CHD5: variants seen among roughly 807,000 people sequenced by gnomAD.
CHD5 encodes the protein chromodomain helicase DNA binding protein 5.
CHD5 carries 69 observed loss-of-function variants against 230.3 expected under a neutral mutation model. The ratio of observed to expected loss-of-function variants is 0.30; its 90% CI spans 0.25 to 0.37. CHD5 has a LOEUF of 0.37. Among genes scored for constraint, CHD5 ranks in the 10% least tolerant of loss-of-function variants. The probability of loss-of-function intolerance (pLI) is 1.00; values close to 1 mark genes in which losing one functional copy is unlikely to be tolerated. For synonymous variants in CHD5, 1,064 were observed against 1,065.9 expected (o/e 1.00, Z 0.03); for missense variants, 1,827 against 2,622.8 (o/e 0.70, Z 6.63).
rs761510627 is a variant in CHD5 at position 6,142,108 on chromosome 1, C to T, written c.2436+20G>A. 14 of 1,605,308 alleles carry T rather than the reference C, an allele frequency of 8.7e-6. No homozygotes were observed. In the Admixed American group the frequency reaches 1.0e-4, roughly 11 times the overall value. Reference sequence around the variant, plus strand: ...ACCGGGGGCCTTCCTACCGTCCTTCCAAGGATAGCGAGCCCTCACCTTCAT... The same window carrying T: ...ACCGGGGGCCTTCCTACCGTCCTTCTAAGGATAGCGAGCCCTCACCTTCAT... On this transcript the variant is annotated intron_variant, in intron 15 of 41. Coordinates refer to ENST00000262450, the MANE Select transcript of CHD5 (RefSeq NM_015557.3). The surrounding 1 kb of genome is among the most constrained non-coding windows in gnomAD (Gnocchi z 5.2).
At chr1:6,136,387 A>T in intron 17 of CHD5, 130 bp downstream of exon 17, 2 of 1,068,210 alleles carry the variant, frequency 1.9e-6, no homozygotes, top group Non-Finnish European at 2.8e-6. Context: ...GGACATTGCT[A>T]ATGCTCCCAT....
Position 6,102,047 on chromosome 1 carries a change from A to T in CHD5, c.*3427T>A, listed in dbSNP as rs1281987027. On this transcript the variant is annotated 3_prime_UTR_variant, in exon 42 of 42. Transcript: ENST00000262450. Reference sequence around the variant, plus strand: ...CCAGCCTGGGGCTGTGCCTGGGGAAAGGGGTCGGCCCCCTCTTAGCTGGGC... The same window carrying T: ...CCAGCCTGGGGCTGTGCCTGGGGAATGGGGTCGGCCCCCTCTTAGCTGGGC... 2.5e-6 allele frequency: 1 copy of T among 395,434 alleles called. No homozygotes were observed. The allele number at this position is 395,434 out of a possible 1,614,324, so 24.5% of individuals were successfully genotyped here. A position where few individuals can be genotyped will look rare whatever the true frequency, so the allele number is the denominator to read the frequency against.
intron 33 of CHD5, 55 bp from the exon 34 acceptor site, chr1:6,113,053 A>C: frequency 1.6e-6 from 2 of 1,234,388 alleles, no homozygotes; most frequent in Non-Finnish European, 2.4e-6. Flanking sequence ...AACACAGAGG[A>C]CTCTGGGCTC....
intron 31 of CHD5, 109 bp downstream of exon 31, chr1:6,123,839 G>A: frequency 1.4e-6 from 1 of 708,494 alleles, no homozygotes; most frequent in Non-Finnish European, 2.1e-6. Flanking sequence ...GAGGCTTTGG[G>A]GGAAGGAGAG....
chr1:6,105,326 C>A lies in CHD5; in HGVS notation c.*148G>T. ...CTGGGCCTCGTCCTCCATGTGATGG[C>A]ATTACTAGGTTTCCCTTTTTGTCCC... On this transcript the variant is annotated 3_prime_UTR_variant, in exon 42 of 42. Coordinates refer to ENST00000262450, the MANE Select transcript of CHD5 (RefSeq NM_015557.3). This position sits in a 1 kb window ranked among gnomAD's most constrained non-coding sequence, Gnocchi z 4.8. 2 of 462,600 alleles carry A rather than the reference C, an allele frequency of 4.3e-6. No individual in the cohort carries two copies. The highest frequency in any genetic ancestry group is 8.9e-6 in the Non-Finnish European group (2 of 223,542). 28.7% of individuals were successfully genotyped at this position (462,600 alleles called of 1,614,324 possible). A position where few individuals can be genotyped will look rare whatever the true frequency, so the allele number is the denominator to read the frequency against.
chr1:6,166,764 G>A lies in CHD5; in HGVS notation c.207+1386C>T, dbSNP rs866176377. ...CCCAGAGGCGAAGGCAGGGACCCTC[G>A]CCCCCCACCACCACCATCTCTCCCA... On this transcript the variant is annotated intron_variant, in intron 2 of 41. Transcript: ENST00000262450. 5.9e-5 allele frequency among the ~76,000 whole-genome samples: 9 copies of A among 152,000 alleles called. No homozygotes were observed. In the South Asian group the frequency reaches 1.9e-3, roughly 31 times the overall value.
At chr1:6,162,418 A>C (rs1254950818) in intron 2 of CHD5, among the ~76,000 whole-genome samples, 1 of 152,002 alleles carries the variant, frequency 6.6e-6, no homozygotes, top group African/African-American at 2.4e-5. Context: ...GAAAGAAAAG[A>C]AAATGCCTTG....
chr1:6,179,890 G>T, intron 1 of CHD5, 55 bp downstream of exon 1: 1 of 1,052,858 alleles, frequency 9.5e-7, no homozygotes. Context: ...CCTGGGCCCG[G>T]CCCGTCTCGG....
At chr1:6,127,016 T>G (rs1666569185) in intron 25 of CHD5, 2 of 507,724 alleles carry the variant, frequency 3.9e-6, no homozygotes, top group Non-Finnish European at 7.1e-6. Flanking sequence ...GGTACTGAGT[T>G]GAATAAGCTC....
chr1:6,117,106 G>C (rs191062418), intron 33 of CHD5, among the ~76,000 whole-genome samples: 1 of 151,870 alleles, frequency 6.6e-6, no homozygotes, highest in African/African-American at 2.4e-5. Flanking sequence ...GAAAAGAGGA[G>C]ATATAAAGAA....
At chr1:6,162,642 G>A (rs1381259377) in intron 2 of CHD5, among the ~76,000 whole-genome samples, 2 of 152,120 alleles carry the variant, frequency 1.3e-5, no homozygotes, top group Non-Finnish European at 2.9e-5. Context: ...GAGGCCGCTG[G>A]GATTCTGATA....
At chr1:6,123,669 C>G (rs753199150) in intron 31 of CHD5, among the ~76,000 whole-genome samples, 30 of 148,594 alleles carry the variant, frequency 2.0e-4, no homozygotes, top group Non-Finnish European at 3.7e-4. Flanking sequence ...CTCAGGTGAT[C>G]CTGCCGCCTC....
chr1:6,121,079 G>T lies in CHD5; in HGVS notation c.4912+26C>A. 1 of 1,567,336 alleles carries T rather than the reference G, an allele frequency of 6.4e-7. No individual in the cohort carries two copies. The highest frequency in any genetic ancestry group is 2.2e-5 in the East Asian group (1 of 44,502). On this transcript the variant is annotated intron_variant, in intron 33 of 41. Transcript: ENST00000262450. This position sits in a 1 kb window ranked among gnomAD's most constrained non-coding sequence, Gnocchi z 4.5. Reference sequence around the variant, plus strand: ...TGCTGAGGCCAGACATGGCACTGGGGTGGGTGGCCTGCAAGAAGCCCCAAC... The same window carrying T: ...TGCTGAGGCCAGACATGGCACTGGGTTGGGTGGCCTGCAAGAAGCCCCAAC...
chr1:6,130,093 G>A lies in CHD5; in HGVS notation c.3387+111C>T. On this transcript the variant is annotated intron_variant, in intron 22 of 41. Transcript: ENST00000262450. The surrounding 1 kb of genome is among the most constrained non-coding windows in gnomAD (Gnocchi z 4.9). ...ACTCCACGGGGGAGGGAGGCCCACA[G>A]CACCAGGATAGGTGAGGGGGTGATG... 7.8e-7 allele frequency: 1 copy of A among 1,288,352 alleles called. No individual in the cohort carries two copies. Among genetic ancestry groups the A allele is most frequent in the Admixed American group, 1.8e-5 (1 of 55,174 alleles). The allele number at this position is 1,288,352 out of a possible 1,614,324, so 79.8% of individuals were successfully genotyped here. A position where few individuals can be genotyped will look rare whatever the true frequency, so the allele number is the denominator to read the frequency against.
At chr1:6,141,426 G>A (rs1028243057) in intron 15 of CHD5, among the ~76,000 whole-genome samples, 14 of 152,002 alleles carry the variant, frequency 9.2e-5, no homozygotes, top group African/African-American at 3.4e-4. Flanking sequence ...GACCAGCCTG[G>A]CCAACATGGT....
chr1:6,119,033 A>G (rs1666421479), intron 33 of CHD5, among the ~76,000 whole-genome samples: 1 of 149,962 alleles, frequency 6.7e-6, no homozygotes, highest in Non-Finnish European at 1.5e-5. Flanking sequence ...ACTGTATGAT[A>G]TGTTAACTAT....
At position 6,155,335 on chromosome 1, in the gene CHD5, AG is replaced by A. The variant is rs2100869296; in HGVS notation, c.506+263del. On this transcript the variant is annotated intron_variant, in intron 4 of 41. Coordinates refer to ENST00000262450, the MANE Select transcript of CHD5 (RefSeq NM_015557.3). This position sits in a 1 kb window ranked among gnomAD's most constrained non-coding sequence, Gnocchi z 4.0. ...AGAGCTGAGAGGCCATGGTGGTGAAAGACCCCCCAGGAAAGACTGGAACCAC... is the reference window on the plus strand; with the variant it reads ...AGAGCTGAGAGGCCATGGTGGTGAAAACCCCCCAGGAAAGACTGGAACCAC... Among the ~76,000 whole-genome samples, 1 of 152,082 alleles carries A rather than the reference AG, an allele frequency of 6.6e-6. No individual in the cohort carries two copies. Among genetic ancestry groups the A allele is most frequent in the African/African-American group, 2.4e-5 (1 of 41,504 alleles).
chr1:6,172,042 C>A (rs1002011068), intron 1 of CHD5, among the ~76,000 whole-genome samples: 1 of 152,258 alleles, frequency 6.6e-6, no homozygotes, highest in Non-Finnish European at 1.5e-5. Context: ...GAAGGAGAGG[C>A]ACCTTCTGCT....
intron 3 of CHD5, among the ~76,000 whole-genome samples, chr1:6,156,953 G>A (rs913024720): frequency 1.3e-5 from 2 of 152,220 alleles, no homozygotes; most frequent in African/African-American, 4.8e-5. Flanking sequence ...GTAAGAAGTG[G>A]ATAAGTTACT....
Sources: gnomAD v4.1 joint callset for allele counts (sites outside exome capture counted in the v4.1 genomes callset) on GRCh38, gnomAD v4.1.1 for gene constraint, Gnocchi (gnomAD v3.1) non-coding constraint, MANE v1.5 for transcripts, NCBI Gene and HGNC (gene_info 2026-07-23, HGNC 2026-07-21) for gene names.